The following TRAPPC9 variants were observed in gnomAD, a reference collection of about 807,000 sequenced individuals.
TRAPPC9 encodes the protein trafficking protein particle complex subunit 9.
A neutral mutation model predicts 124.0 loss-of-function variants in TRAPPC9; 83 were observed. The ratio of observed to expected loss-of-function variants is 0.67; its 90% CI spans 0.56 to 0.80. The LOEUF (loss-of-function observed/expected upper bound fraction) is 0.80. Ranked by LOEUF, TRAPPC9 falls within the 30% of genes least tolerant of loss-of-function variation. The pLI is 0.00. For synonymous variants in TRAPPC9, 638 were observed against 617.5 expected (o/e 1.03, Z -0.49); for missense variants, 1,302 against 1,508.3 (o/e 0.86, Z 2.27).
intron 7 of TRAPPC9, among the ~76,000 whole-genome samples, chr8:140,384,037 C>A (rs900720025): frequency 3.3e-5 from 5 of 152,114 alleles, no homozygotes; most frequent in South Asian, 2.1e-4. Context: ...GAAGTTTCAA[C>A]CCAGAATTTC....
chr8:140,232,516 A>C (rs2063624779), intron 16 of TRAPPC9, among the ~76,000 whole-genome samples: 1 of 152,174 alleles, frequency 6.6e-6, no homozygotes, highest in South Asian at 2.1e-4. Context: ...TTCAAGTCCT[A>C]AAGGTGTTCT....
intron 4 of TRAPPC9, among the ~76,000 whole-genome samples, chr8:140,431,350 G>A (rs556490167): frequency 3.4e-4 from 52 of 151,906 alleles, no homozygotes; most frequent in African/African-American, 1.1e-3. Flanking sequence ...CCAGCTACTC[G>A]GGAGGCTGAG....
At chr8:140,300,728 A>C (rs2065952601) in intron 10 of TRAPPC9, 114 bp from the exon 11 acceptor site, 1 of 1,351,714 alleles carries the variant, frequency 7.4e-7, no homozygotes, top group Non-Finnish European at 1.1e-6. Context: ...GAAGGAAGAT[A>C]AATGGAGGGA....
At chr8:140,227,963 C>T (rs78229002) in intron 16 of TRAPPC9, among the ~76,000 whole-genome samples, 2 of 152,160 alleles carry the variant, frequency 1.3e-5, no homozygotes, top group Admixed American at 6.5e-5. Context: ...CATTTCAGTC[C>T]CCACACTGAG....
At chr8:140,458,164 G>A (rs891690218), upstream of TRAPPC9, 10 of 1,528,324 alleles carry the variant, frequency 6.5e-6, no homozygotes, top group African/African-American at 1.4e-4. Context: ...GAGATGGAGG[G>A]AGATGGAGCG....
chr8:140,056,257 A>G (rs993528118), intron 17 of TRAPPC9, among the ~76,000 whole-genome samples: 14 of 151,918 alleles, frequency 9.2e-5, no homozygotes, highest in Non-Finnish European at 1.9e-4. Flanking sequence ...GAAAGAAAAA[A>G]AAAATTGCCA....
At chr8:139,804,304 A>C (rs1393128639) in intron 21 of TRAPPC9, among the ~76,000 whole-genome samples, 33 of 48,996 alleles carry the variant, frequency 6.7e-4, no homozygotes, top group African/African-American at 9.1e-4. Flanking sequence ...CACCACACAC[A>C]ACCACCACCA....
intron 21 of TRAPPC9, among the ~76,000 whole-genome samples, chr8:139,875,171 G>A (rs1191252735): frequency 2.0e-5 from 3 of 152,194 alleles, no homozygotes; most frequent in Non-Finnish European, 2.9e-5. Flanking sequence ...AGAAGAGAGA[G>A]GAGGGAGAGG....
intron 5 of TRAPPC9, among the ~76,000 whole-genome samples, chr8:140,421,621 C>T (rs1191008248): frequency 6.6e-6 from 1 of 152,054 alleles, no homozygotes; most frequent in Non-Finnish European, 1.5e-5. Context: ...CTAGCTAATC[C>T]GCTGGACAAT....
chr8:140,232,160 A>C (rs1257194532), intron 16 of TRAPPC9, among the ~76,000 whole-genome samples: 1 of 151,704 alleles, frequency 6.6e-6, no homozygotes, highest in East Asian at 1.9e-4. Flanking sequence ...TCAAGCTCAA[A>C]CTCCTAGGCT....
chr8:140,362,569 C>G (rs1233673035), intron 8 of TRAPPC9, among the ~76,000 whole-genome samples: 2 of 152,098 alleles, frequency 1.3e-5, no homozygotes, highest in African/African-American at 4.8e-5. Context: ...TACTTTATAT[C>G]TTAGTAGTTT....
chr8:139,994,347 G>A (rs1370042967), intron 18 of TRAPPC9, among the ~76,000 whole-genome samples: 2 of 152,226 alleles, frequency 1.3e-5, no homozygotes, highest in African/African-American at 4.8e-5. Context: ...GCACAGAAGA[G>A]GAAATAATTG....
At chr8:139,741,276 G>T (rs752824884) in intron 21 of TRAPPC9, among the ~76,000 whole-genome samples, 11 of 152,196 alleles carry the variant, frequency 7.2e-5, no homozygotes, top group Non-Finnish European at 1.6e-4. Flanking sequence ...TTGAGCACTC[G>T]CTGTCTTCCA....
chr8:139,804,291 C>T (rs1249942558), intron 21 of TRAPPC9, among the ~76,000 whole-genome samples: 20 of 144,440 alleles, frequency 1.4e-4, no homozygotes, highest in African/African-American at 4.9e-4. Context: ...CACCCACCAC[C>T]GCCACCACAC....
intron 21 of TRAPPC9, among the ~76,000 whole-genome samples, chr8:139,816,504 T>C (rs1005684575): frequency 2.0e-5 from 3 of 152,030 alleles, no homozygotes; most frequent in Admixed American, 6.5e-5. Flanking sequence ...CATCTCAGTA[T>C]GGAGATGGGC....
At chr8:140,223,654 C>T (rs968583284) in intron 16 of TRAPPC9, among the ~76,000 whole-genome samples, 3 of 151,970 alleles carry the variant, frequency 2.0e-5, no homozygotes, top group Admixed American at 6.6e-5. Context: ...TTTCCAAATT[C>T]GCAATAACTT....
At chr8:140,082,997 A>G (rs1253582552) in intron 17 of TRAPPC9, among the ~76,000 whole-genome samples, 4 of 152,186 alleles carry the variant, frequency 2.6e-5, no homozygotes, top group African/African-American at 9.7e-5. Flanking sequence ...GATCGAAACC[A>G]TCCTGGCCAA....
chr8:140,090,545 C>G (rs1405922108), intron 17 of TRAPPC9, among the ~76,000 whole-genome samples: 1 of 152,258 alleles, frequency 6.6e-6, no homozygotes, highest in Non-Finnish European at 1.5e-5. Context: ...ATTTCCAGGT[C>G]ACCCGGGAGA....
At chr8:140,281,328 T>C (rs2131694120) in intron 14 of TRAPPC9, among the ~76,000 whole-genome samples, 1 of 152,330 alleles carries the variant, frequency 6.6e-6, no homozygotes, top group Middle Eastern at 3.4e-3. Context: ...GGGTGTGAAC[T>C]GGAGCCTCAC....
Sources: gnomAD v4.1 joint callset for allele counts (sites outside exome capture counted in the v4.1 genomes callset) on GRCh38, gnomAD v4.1.1 for gene constraint, MANE v1.5 for transcripts, NCBI Gene and HGNC (gene_info 2026-07-23, HGNC 2026-07-21) for gene names.